Variants in SEMA4B observed in about 807,000 individuals in gnomAD.
The protein encoded by SEMA4B is semaphorin-4B.
Under a neutral mutation model 88.1 loss-of-function variants are expected in SEMA4B, and 55 were observed. The ratio of observed to expected loss-of-function variants is 0.62; its 90% CI spans 0.50 to 0.78. The LOEUF (loss-of-function observed/expected upper bound fraction) is 0.78, where lower values mean the gene tolerates loss of function less well. SEMA4B is among the 30% of genes least tolerant of loss of function. The pLI, the probability that SEMA4B is intolerant of heterozygous loss-of-function variation, is 0.00. For synonymous variants in SEMA4B, 525 were observed against 473.6 expected (o/e 1.11, Z -1.41); for missense variants, 1,062 against 1,111.9 (o/e 0.96, Z 0.64).
chr15:90,189,926 G>A (rs1041279008), intron 1 of SEMA4B, among the ~76,000 whole-genome samples: 2 of 152,206 alleles, frequency 1.3e-5, no homozygotes, highest in Admixed American at 1.3e-4. Context: ...CATAGAAGAG[G>A]TGGCTGGGAG....
intron 1 of SEMA4B, among the ~76,000 whole-genome samples, chr15:90,211,978 G>A (rs1255790658): frequency 1.3e-5 from 2 of 152,116 alleles, no homozygotes; most frequent in East Asian, 3.9e-4. Flanking sequence ...CGCTGCTGCA[G>A]CTAGCTGGCT....
chr15:90,213,450 A>T (rs886239119), intron 1 of SEMA4B, among the ~76,000 whole-genome samples: 3 of 152,138 alleles, frequency 2.0e-5, no homozygotes, highest in Admixed American at 6.5e-5. Context: ...CGTTTCATTC[A>T]CTCTACTCCC....
intron 1 of SEMA4B, among the ~76,000 whole-genome samples, chr15:90,205,287 G>A (rs1387257583): frequency 6.6e-6 from 1 of 152,190 alleles, no homozygotes; most frequent in Non-Finnish European, 1.5e-5. Context: ...GCTGCCCTGG[G>A]AAGCCCTGAT....
At chr15:90,221,251 C>A in intron 5 of SEMA4B, 116 bp from the exon 6 acceptor site, 1 of 1,158,364 alleles carries the variant, frequency 8.6e-7, no homozygotes, top group Non-Finnish European at 1.3e-6. Context: ...CAAGTTCCAG[C>A]TTCCTTCTCT....
In SEMA4B at chr15:90,223,974, C is replaced by T. The variant is rs1157297177; in HGVS notation, c.1180C>T (p.Pro394Ser). ...WYTVTHPVPTPRPGACITNSA... is the reference protein window; with the variant it reads ...WYTVTHPVPTSRPGACITNSA... ...CACCGTGACCCACCCGGTGCCCACA[C>T]CCCGGCCTGGAGCGGTGGGTACTGG... Residue 394 changes from proline to serine, a missense_variant, in exon 9 of 14, where the codon CCC (proline) becomes TCC (serine). Transcript: ENST00000411539. 4 of 1,613,080 alleles carry T rather than the reference C, an allele frequency of 2.5e-6. No individual in the cohort carries two copies. The highest frequency in any genetic ancestry group is 3.4e-6 in the Non-Finnish European group (4 of 1,179,724).
intron 6 of SEMA4B, 26 bp downstream of exon 6, chr15:90,221,506 A>G (rs1961842041): frequency 1.2e-6 from 2 of 1,605,300 alleles, no homozygotes; most frequent in African/African-American, 2.7e-5. Flanking sequence ...CACCACCCAG[A>G]GGGCAGGGAT....
upstream of SEMA4B, among the ~76,000 whole-genome samples, chr15:90,197,729 G>A (rs1960559979): frequency 6.6e-6 from 1 of 151,518 alleles, no homozygotes; most frequent in Non-Finnish European, 1.5e-5. Context: ...GAGCCACCAT[G>A]CCCGGCCCTG....
intron 2 of SEMA4B, 23 bp from the exon 3 acceptor site, chr15:90,217,744 C>G (rs1961606619): frequency 6.2e-7 from 1 of 1,612,306 alleles, no homozygotes; most frequent in African/African-American, 1.3e-5. Context: ...TTGTCCACTA[C>G]CTTCCCCTTT....
chr15:90,221,402 CA>C lies in SEMA4B; in HGVS notation c.633del (p.Asn213MetfsTer116). On this transcript the variant is annotated frameshift_variant, in exon 6 of 14. Coordinates refer to ENST00000411539, the MANE Select transcript of SEMA4B (RefSeq NM_198925.4). LOFTEE classifies it high-confidence loss of function. ...ELYTGTVSSF[Q>X]GNDPAISRSQ... ...CTACACTGGAACAGTCAGCAGCTTC[CA>C]AGGGAATGACCCGGCCATCTCGCGG... The C allele has an allele frequency of 6.3e-7, 1 of 1,576,412 alleles. No homozygotes were observed. Among genetic ancestry groups the C allele is most frequent in the Non-Finnish European group, 8.6e-7 (1 of 1,161,938 alleles).
chr15:90,204,316 T>C (rs1960888111), intron 1 of SEMA4B, among the ~76,000 whole-genome samples: 1 of 152,216 alleles, frequency 6.6e-6, no homozygotes, highest in African/African-American at 2.4e-5. Context: ...CCCAGATGCC[T>C]AGGGACAGTG....
In SEMA4B at chr15:90,228,393, G is replaced by A. The variant is rs755940371; in HGVS notation, c.2264G>A (p.Ser755Asn). The A allele has an allele frequency of 4.1e-5, 65 of 1,600,108 alleles. No individual in the cohort carries two copies. Among genetic ancestry groups the A allele is most frequent in the Non-Finnish European group, 5.1e-5 (60 of 1,172,986 alleles). ...TTCCTGAAGCAGGGGGAATGTGCCAGCGTGCACCCCAAGACCTGCCCTGTG... is the reference window on the plus strand; with the variant it reads ...TTCCTGAAGCAGGGGGAATGTGCCAACGTGCACCCCAAGACCTGCCCTGTG... ...KVFLKQGECA[S>N]VHPKTCPVVL... Residue 755 changes from serine to asparagine, a missense_variant, in exon 14 of 14, where the codon AGC becomes AAC. Coordinates refer to ENST00000411539, the MANE Select transcript of SEMA4B (RefSeq NM_198925.4).
intron 1 of SEMA4B, among the ~76,000 whole-genome samples, chr15:90,204,044 A>T (rs1241834443): frequency 6.6e-6 from 1 of 152,140 alleles, no homozygotes; most frequent in Non-Finnish European, 1.5e-5. Flanking sequence ...CGAGAGGGGA[A>T]TGCCCTGGTA....
At chr15:90,204,670 G>C (rs931240310) in intron 1 of SEMA4B, among the ~76,000 whole-genome samples, 2 of 152,132 alleles carry the variant, frequency 1.3e-5, no homozygotes, top group East Asian at 3.8e-4. Flanking sequence ...AAACAATGGC[G>C]CCCAGTGCTT....
intron 11 of SEMA4B, 72 bp downstream of exon 11, chr15:90,225,469 C>A: frequency 7.2e-7 from 1 of 1,384,450 alleles, no homozygotes; most frequent in Non-Finnish European, 1.0e-6. Context: ...GCAGTCCCCA[C>A]CCAGCTTCTC....
chr15:90,207,414 A>C (rs1312317440), intron 1 of SEMA4B, among the ~76,000 whole-genome samples: 4 of 152,180 alleles, frequency 2.6e-5, no homozygotes, highest in Non-Finnish European at 5.9e-5. Flanking sequence ...CTTTTGGCCC[A>C]TCCTCTAGGA....
chr15:90,194,040 C>G (rs1596118114), intron 1 of SEMA4B, among the ~76,000 whole-genome samples: 1 of 151,768 alleles, frequency 6.6e-6, no homozygotes, highest in South Asian at 2.1e-4. Flanking sequence ...TTAGTAGAGA[C>G]AGCGTTTCAT....
chr15:90,198,660 C>G (rs1691583628), upstream of SEMA4B, among the ~76,000 whole-genome samples: 1 of 151,964 alleles, frequency 6.6e-6, no homozygotes, highest in Admixed American at 6.6e-5. Context: ...GGTGAGGGAG[C>G]AGCCAGGTCA....
chr15:90,209,448 C>T (rs962968160), intron 1 of SEMA4B, among the ~76,000 whole-genome samples: 10 of 151,926 alleles, frequency 6.6e-5, no homozygotes, highest in African/African-American at 2.4e-4. Flanking sequence ...GCCTGTAATT[C>T]CGGCTACTCA....
chr15:90,222,722 C>T (rs541072068), intron 7 of SEMA4B, among the ~76,000 whole-genome samples: 1 of 152,186 alleles, frequency 6.6e-6, no homozygotes, highest in East Asian at 1.9e-4. Flanking sequence ...TCCCTCACCC[C>T]CTCGGTTAAC....
Sources: allele counts gnomAD v4.1 joint callset (sites outside exome capture counted in the v4.1 genomes callset), GRCh38; gene constraint gnomAD v4.1.1; transcripts MANE v1.5; gene names NCBI Gene and HGNC (gene_info 2026-07-23, HGNC 2026-07-21).